Variants in TLN2 observed in about 807,000 individuals in gnomAD.
TLN2 encodes the protein talin 2.
Under a neutral mutation model 294.7 loss-of-function variants are expected in TLN2, and 118 were observed. The observed-to-expected ratio is 0.40, with a 90% CI of 0.34 to 0.47. The LOEUF is 0.47. Ranked by LOEUF, TLN2 falls within the 20% of genes least tolerant of loss-of-function variation. The probability of loss-of-function intolerance (pLI) is 0.84; values close to 1 mark genes in which losing one functional copy is unlikely to be tolerated. For synonymous variants in TLN2, 1,431 were observed against 1,304.5 expected (o/e 1.10, Z -2.09); for missense variants, 3,083 against 3,282.2 (o/e 0.94, Z 1.48).
intron 1 of TLN2, among the ~76,000 whole-genome samples, chr15:62,577,470 A>C (rs1023968113): frequency 6.6e-6 from 1 of 152,166 alleles, no homozygotes; most frequent in African/African-American, 2.4e-5. Context: ...CAACAAACAA[A>C]AACAAAAAAC....
intron 3 of TLN2, among the ~76,000 whole-genome samples, chr15:62,620,914 C>T (rs1430059897): frequency 2.1e-5 from 3 of 142,206 alleles, no homozygotes; most frequent in Admixed American, 7.5e-5. Context: ...TCTCAGCTCA[C>T]TGCAAGCTCC....
At chr15:62,408,913 G>A (rs959010989) in intron 1 of TLN2, among the ~76,000 whole-genome samples, 1 of 151,954 alleles carries the variant, frequency 6.6e-6, no homozygotes, top group East Asian at 1.9e-4. Flanking sequence ...TCCTGCCTCG[G>A]CCTCCCAAAG....
chr15:62,826,958 G>A (rs1332580562), intron 54 of TLN2, among the ~76,000 whole-genome samples: 1 of 152,198 alleles, frequency 6.6e-6, no homozygotes, highest in Non-Finnish European at 1.5e-5. Context: ...GAGTAACACA[G>A]AGCAAAGCCT....
intron 20 of TLN2, among the ~76,000 whole-genome samples, chr15:62,707,665 G>C (rs2059152408): frequency 6.6e-6 from 1 of 152,002 alleles, no homozygotes; most frequent in Non-Finnish European, 1.5e-5. Flanking sequence ...TTGTTGCCAG[G>C]GTATACACAC....
chr15:62,752,957 A>G (rs2062017907), intron 35 of TLN2, among the ~76,000 whole-genome samples: 1 of 152,168 alleles, frequency 6.6e-6, no homozygotes, highest in Admixed American at 6.5e-5. Flanking sequence ...AGCGTTCATC[A>G]TTTGACAGTT....
At chr15:62,407,761 C>T (rs148101473) in intron 1 of TLN2, among the ~76,000 whole-genome samples, 38 of 151,936 alleles carry the variant, frequency 2.5e-4, no homozygotes, top group Middle Eastern at 3.4e-3. Context: ...TACTAAAATA[C>T]AAAAATTAGC....
chr15:62,518,665 T>C (rs374671153), intron 1 of TLN2, among the ~76,000 whole-genome samples: 66 of 152,262 alleles, frequency 4.3e-4, no homozygotes, highest in African/African-American at 1.5e-3. Context: ...TGGCGCGATC[T>C]TGGCTCTCTG....
At chr15:62,758,428 T>C (rs558710350) in intron 37 of TLN2, among the ~76,000 whole-genome samples, 4 of 152,238 alleles carry the variant, frequency 2.6e-5, no homozygotes, top group Non-Finnish European at 5.9e-5. Flanking sequence ...TTCAGCTCAT[T>C]ACCTAGTCTT....
intron 12 of TLN2, among the ~76,000 whole-genome samples, chr15:62,692,056 C>T (rs1027183199): frequency 6.6e-6 from 1 of 152,190 alleles, no homozygotes; most frequent in African/African-American, 2.4e-5. Flanking sequence ...GTATTCTGGC[C>T]TACTTTTCAG....
At chr15:62,443,577 T>C (rs1271379708) in intron 1 of TLN2, among the ~76,000 whole-genome samples, 2 of 152,212 alleles carry the variant, frequency 1.3e-5, no homozygotes, top group African/African-American at 4.8e-5. Context: ...ATTCCTGAAC[T>C]TCAAACTTTA....
chr15:62,460,200 G>C (rs2036715350), intron 1 of TLN2, among the ~76,000 whole-genome samples: 1 of 152,032 alleles, frequency 6.6e-6, no homozygotes, highest in South Asian at 2.1e-4. Flanking sequence ...TGTCCTAGCA[G>C]GTTTCAGCTT....
intron 29 of TLN2, among the ~76,000 whole-genome samples, chr15:62,737,919 C>G (rs1005948380): frequency 6.6e-6 from 1 of 152,148 alleles, no homozygotes; most frequent in African/African-American, 2.4e-5. Context: ...CTGGAGAGTT[C>G]TATGTTTGAA....
intron 1 of TLN2, among the ~76,000 whole-genome samples, chr15:62,422,961 G>A (rs986531350): frequency 5.9e-5 from 9 of 152,326 alleles, no homozygotes; most frequent in African/African-American, 1.9e-4. Flanking sequence ...ACTCAGACAA[G>A]CCCACAGACA....
intron 1 of TLN2, among the ~76,000 whole-genome samples, chr15:62,492,280 C>T (rs547605129): frequency 4.6e-5 from 7 of 151,704 alleles, no homozygotes; most frequent in African/African-American, 9.7e-5. Flanking sequence ...TGATACTAGC[C>T]GGGTGCGGTG....
chr15:62,617,440 G>A (rs79860423), intron 2 of TLN2, among the ~76,000 whole-genome samples: 3,022 of 152,260 alleles, frequency 0.02, 53 homozygotes, highest in South Asian at 0.072. Context: ...ATCTGTCATG[G>A]CAAGGCACTC....
In TLN2 at chr15:62,447,526, G is replaced by A. The variant is rs1427086436; in HGVS notation, c.-238+56841G>A. Among the ~76,000 whole-genome samples the A allele has an allele frequency of 4.1e-5, 6 of 146,016 alleles. No individual in the cohort carries two copies. The South Asian group carries it at 6.5e-4, about 16-fold the overall frequency. ...TTTTTTTTTTTTGAGATGGAGTCTC[G>A]CTCTGTCGCCCAGGCTGGAGTGCAA... On this transcript the variant is annotated intron_variant, in intron 1 of 58. Transcript: ENST00000636159.
intron 1 of TLN2, among the ~76,000 whole-genome samples, chr15:62,467,521 C>T (rs193171964): frequency 7.9e-5 from 12 of 152,046 alleles, no homozygotes; most frequent in Admixed American, 3.3e-4. Context: ...GGCAAAACCT[C>T]GTCTCTACTA....
chr15:62,451,587 C>T (rs2036155432), intron 1 of TLN2, among the ~76,000 whole-genome samples: 1 of 152,112 alleles, frequency 6.6e-6, no homozygotes, highest in Non-Finnish European at 1.5e-5. Context: ...AACCCAGAGG[C>T]GGAGGTTGCA....
chr15:62,752,513 C>G, intron 35 of TLN2, 86 bp downstream of exon 35: 6 of 1,539,856 alleles, frequency 3.9e-6, no homozygotes, highest in Non-Finnish European at 5.3e-6. Flanking sequence ...ACCTCTTTCT[C>G]CAAGTACCAC....
Sources: gnomAD v4.1 joint callset for allele counts (sites outside exome capture counted in the v4.1 genomes callset) on GRCh38, gnomAD v4.1.1 for gene constraint, MANE v1.5 for transcripts, NCBI Gene and HGNC (gene_info 2026-07-23, HGNC 2026-07-21) for gene names.